The following MAMDC2 variants were observed in gnomAD, a reference collection of about 807,000 sequenced individuals.
The protein encoded by MAMDC2 is MAM domain-containing protein 2.
MAMDC2 carries 57 observed loss-of-function variants against 89.8 expected under a neutral mutation model. The observed-to-expected ratio is 0.63, with a 90% CI of 0.51 to 0.79. The LOEUF (loss-of-function observed/expected upper bound fraction) is 0.79. Among genes scored for constraint, MAMDC2 ranks in the 30% least tolerant of loss-of-function variants. MAMDC2 has a pLI of 0.00. For synonymous variants in MAMDC2, 313 were observed against 293.4 expected, an observed-to-expected ratio of 1.07 and a Z score of -0.68; for missense variants, 800 against 820.6, an observed-to-expected ratio of 0.97 and a Z score of 0.31.
intron 7 of MAMDC2, among the ~76,000 whole-genome samples, chr9:70,134,854 T>G (rs2118380482): frequency 6.6e-6 from 1 of 152,308 alleles, no homozygotes; most frequent in Middle Eastern, 3.4e-3. Context: ...AGCTTTGAGC[T>G]GTCTCAGCCT....
chr9:70,098,683 T>C (rs1828087599), intron 2 of MAMDC2, among the ~76,000 whole-genome samples: 1 of 152,182 alleles, frequency 6.6e-6, no homozygotes, highest in Non-Finnish European at 1.5e-5. Flanking sequence ...AATGATATTA[T>C]GAAAAGATAA....
chr9:70,126,933 G>T (rs1231779476), intron 6 of MAMDC2, among the ~76,000 whole-genome samples: 1 of 151,916 alleles, frequency 6.6e-6, no homozygotes, highest in South Asian at 2.1e-4. Context: ...TTGAAACAAG[G>T]CTTGATGCCT....
rs974377628 is a variant in MAMDC2, at chr9:70,217,483, A to C, written c.1652-854A>C. ...TGATATAATGGCCAAGAGGAATCAG[A>C]AACCTTAAGTTAGAAAGGCTCAACG... On this transcript the variant is annotated intron_variant, in intron 11 of 13. Coordinates refer to ENST00000377182, the MANE Select transcript of MAMDC2 (RefSeq NM_153267.5). 6.8e-6 allele frequency: 10 copies of C among 1,469,472 alleles called. 1 individual carries two copies. Among genetic ancestry groups the C allele is most frequent in the Middle Eastern group, 2.4e-4 (1 of 4,228 alleles). 91.0% of individuals were successfully genotyped at this position (1,469,472 alleles called of 1,614,324 possible).
chr9:70,096,251 C>G (rs1828024382), intron 2 of MAMDC2, among the ~76,000 whole-genome samples: 6 of 151,292 alleles, frequency 4.0e-5, no homozygotes. Context: ...CTCTTGGGCC[C>G]AAACGATTCT....
chr9:70,060,881 G>A (rs1827134808), intron 2 of MAMDC2, among the ~76,000 whole-genome samples: 2 of 152,124 alleles, frequency 1.3e-5, no homozygotes, highest in South Asian at 4.2e-4. Flanking sequence ...AACCCATCAT[G>A]GTACTCAAAC....
intron 4 of MAMDC2, among the ~76,000 whole-genome samples, chr9:70,112,459 C>T (rs1343918330): frequency 1.3e-5 from 2 of 152,030 alleles, no homozygotes; most frequent in Non-Finnish European, 2.9e-5. Context: ...GACACATGTC[C>T]CTCAGCTCTG....
rs190296809 is a variant in MAMDC2 at position 70,087,933 on chromosome 9, A to G, written c.149-20278A>G. Among the ~76,000 whole-genome samples the G allele has an allele frequency of 1.6e-3, 236 of 152,228 alleles. 1 individual carries two copies. Among genetic ancestry groups the G allele is most frequent in the African/African-American group, 5.3e-3 (220 of 41,544 alleles). On this transcript the variant is annotated intron_variant, in intron 2 of 13. Transcript: ENST00000377182. ...AACTTTTAAATTTTATTATTTCTCA[A>G]TTAGGGAGTATTTAGGAATTTCTTG...
intron 11 of MAMDC2, chr9:70,172,209 C>T (rs1268329308): frequency 1.3e-5 from 2 of 152,190 alleles, no homozygotes; most frequent in African/African-American, 4.8e-5. Context: ...TCTCATTCAA[C>T]TGAATCTTCT....
At chr9:70,215,742 TTA>T (rs1408039653) in intron 11 of MAMDC2, among the ~76,000 whole-genome samples, 2 of 152,230 alleles carry the variant, frequency 1.3e-5, no homozygotes, top group African/African-American at 4.8e-5. Flanking sequence ...GCGTCATTCC[TTA>T]TATGTGACTG....
At chr9:70,186,248 T>C (rs540722381) in intron 11 of MAMDC2, among the ~76,000 whole-genome samples, 1 of 152,296 alleles carries the variant, frequency 6.6e-6, no homozygotes, top group South Asian at 2.1e-4. Flanking sequence ...AATTATTTTC[T>C]TTTGTGGGAA....
chr9:70,065,132 G>A (rs1301356110), intron 2 of MAMDC2, among the ~76,000 whole-genome samples: 1 of 152,168 alleles, frequency 6.6e-6, no homozygotes, highest in Admixed American at 6.5e-5. Flanking sequence ...GGGATTACGA[G>A]CTACTTATCC....
intron 2 of MAMDC2, chr9:70,093,965 T>C (rs1827967497): frequency 6.6e-6 from 1 of 152,244 alleles, no homozygotes; most frequent in African/African-American, 2.4e-5. Flanking sequence ...CTGTTGCTGG[T>C]TGCTAAGGTA....
chr9:70,099,741 G>A (rs1315442561), intron 2 of MAMDC2, among the ~76,000 whole-genome samples: 2 of 152,242 alleles, frequency 1.3e-5, no homozygotes, highest in African/African-American at 2.4e-5. Context: ...TTGGGAGGCC[G>A]AGGCGGGTGG....
intron 8 of MAMDC2, among the ~76,000 whole-genome samples, chr9:70,142,151 T>C (rs1316237147): frequency 1.3e-5 from 2 of 152,146 alleles, no homozygotes; most frequent in Admixed American, 6.6e-5. Context: ...GGGAAGAATC[T>C]AATTTGGGTT....
intron 9 of MAMDC2, among the ~76,000 whole-genome samples, chr9:70,162,869 G>C (rs1253821083): frequency 6.7e-6 from 1 of 149,804 alleles, no homozygotes; most frequent in African/African-American, 2.5e-5. Flanking sequence ...CCTTGTAGGT[G>C]GGTTTCCACA....
intron 11 of MAMDC2, among the ~76,000 whole-genome samples, chr9:70,207,362 G>A (rs1390154781): frequency 6.6e-6 from 1 of 152,096 alleles, no homozygotes; most frequent in Non-Finnish European, 1.5e-5. Context: ...GTTTTGATTT[G>A]CATTTCTCTG....
At chr9:70,167,997 G>A (rs1563983856) in intron 9 of MAMDC2, among the ~76,000 whole-genome samples, 1 of 152,130 alleles carries the variant, frequency 6.6e-6, no homozygotes, top group Non-Finnish European at 1.5e-5. Context: ...TACTGGAAAT[G>A]TTTGAAAAAT....
At chr9:70,060,245 G>C (rs959571486) in intron 2 of MAMDC2, among the ~76,000 whole-genome samples, 1 of 152,150 alleles carries the variant, frequency 6.6e-6, no homozygotes, top group African/African-American at 2.4e-5. Flanking sequence ...ACAGTGTTTG[G>C]CACTGGAGAG....
intron 11 of MAMDC2, among the ~76,000 whole-genome samples, chr9:70,207,161 G>C (rs1295097114): frequency 6.6e-6 from 1 of 152,160 alleles, no homozygotes; most frequent in Non-Finnish European, 1.5e-5. Context: ...GGGATGGCTG[G>C]ATCAAATGGT....
Sources: allele counts gnomAD v4.1 joint callset (sites outside exome capture counted in the v4.1 genomes callset), GRCh38; gene constraint gnomAD v4.1.1; transcripts MANE v1.5; gene names NCBI Gene and HGNC (gene_info 2026-07-23, HGNC 2026-07-21).